Variants in GFM2 observed in about 807,000 individuals in gnomAD.
The protein encoded by GFM2 is GTP dependent ribosome recycling factor mitochondrial 2.
GFM2 carries 72 observed loss-of-function variants against 95.4 expected under a neutral mutation model. That is an observed-to-expected ratio of 0.76 (90% CI 0.62 to 0.92). The LOEUF (loss-of-function observed/expected upper bound fraction) is 0.92, where lower values mean the gene tolerates loss of function less well. Among genes scored for constraint, GFM2 ranks in the 40% least tolerant of loss-of-function variants. The pLI is 0.00. For synonymous variants in GFM2, 276 were observed against 317.5 expected, an observed-to-expected ratio of 0.87 and a Z score of 1.39; for missense variants, 825 against 924.1, an observed-to-expected ratio of 0.89 and a Z score of 1.39.
In GFM2 at chr5:74,758,938, T is replaced by C. The variant is rs766617868; in HGVS notation, c.215A>G (p.Asn72Ser). 6.3e-7 allele frequency: 1 copy of C among 1,599,626 alleles called. No individual in the cohort carries two copies. Among genetic ancestry groups the C allele is most frequent in the Non-Finnish European group, 8.6e-7 (1 of 1,167,528 alleles). The change falls in exon 5 of 21, where the codon AAT becomes AGT. Residue 72 changes from asparagine (N) to serine (S), a missense_variant. Coordinates refer to ENST00000296805, the MANE Select transcript of GFM2 (RefSeq NM_032380.5). ...ATCAATATGAGCCATAATTCCAATA[T>C]TACGGATTCTGTTTAAAAGGAAAAA... ...IINPPIAKIR[N>S]IGIMAHIDAG...
rs1749869928 is a variant in GFM2, at chr5:74,721,363, AAC to A, written c.*290_*291del. ...GAGACAAGCTTAAGGACACAAAAGA[AAC>A]ACAACTTTGTGATACCACTCTTCTG... On this transcript the variant is annotated 3_prime_UTR_variant, in exon 21 of 21. Coordinates refer to ENST00000296805, the MANE Select transcript of GFM2 (RefSeq NM_032380.5). 1.4e-6 allele frequency: 1 copy of A among 739,370 alleles called. No individual in the cohort carries two copies. The highest frequency in any genetic ancestry group is 2.0e-5 in the Admixed American group (1 of 50,012). 45.8% of individuals were successfully genotyped at this position (739,370 alleles called of 1,614,324 possible). A position where few individuals can be genotyped will look rare whatever the true frequency, so the allele number is the denominator to read the frequency against.
intron 1 of GFM2, among the ~76,000 whole-genome samples, chr5:74,764,778 G>GTTTTTTTTTT (rs757160377): frequency 5.7e-5 from 4 of 70,488 alleles, no homozygotes; most frequent in Admixed American, 3.8e-4. Flanking sequence ...TCCCTTTGTT[G>GTTTTTTTTTT]TTTTTTTTTT....
Position 74,759,383 on chromosome 5 carries a change from A to T in GFM2, c.192T>A (p.Asn64Lys), listed in dbSNP as rs760188465. 1 of 1,541,102 alleles carries T rather than the reference A, an allele frequency of 6.5e-7. No individual in the cohort carries two copies. Among genetic ancestry groups the T allele is most frequent in the Admixed American group, 1.7e-5 (1 of 58,504 alleles). The change falls in exon 4 of 21, where the codon AAT becomes AAA. Residue 64 changes from asparagine (N) to lysine (K), a missense_variant. Asn to Lys is a moderately conservative substitution (Grantham distance 94). Coordinates refer to ENST00000296805, the MANE Select transcript of GFM2 (RefSeq NM_032380.5). ...ATAGTACTTACTTAGCTATGGGAGG[A>T]TTGATGATGGAATGAAGGGATTTGA... Reference protein sequence around the residue: ...NDIKSLHSIINPPIAKIRNIG... With the variant: ...NDIKSLHSIIKPPIAKIRNIG...
rs1330986784 is a variant in GFM2 at position 74,751,413 on chromosome 5, T to G, written c.385A>C (p.Thr129Pro). 2 of 1,611,314 alleles carry G rather than the reference T, an allele frequency of 1.2e-6. No homozygotes were observed. The highest frequency in any genetic ancestry group is 3.3e-5 in the Admixed American group (2 of 60,022). The change falls in exon 6 of 21, where the codon ACA (threonine) becomes CCA (proline). Residue 129 changes from threonine (T) to proline (P), a missense_variant. By Grantham distance (38) the Thr-to-Pro change is conservative (BLOSUM62 -1). Transcript: ENST00000296805. Reference sequence around the variant, plus strand: ...ACTCTATAACCTTTCCAATCAAATGTAACAGCAGCTGATTGAATAGTAATG... The same window carrying G: ...ACTCTATAACCTTTCCAATCAAATGGAACAGCAGCTGATTGAATAGTAATG... The part of the protein sequence containing the change: ...RGITIQSAAV[T>P]FDWKGYRVNL...
At chr5:74,751,517 G>A in intron 5 of GFM2, 24 bp from the exon 6 acceptor site, 1 of 1,583,902 alleles carries the variant, frequency 6.3e-7, no homozygotes, top group Non-Finnish European at 8.7e-7. Context: ...AGATGATACA[G>A]TTTAGTCTTA....
intron 15 of GFM2, chr5:74,736,471 T>C (rs1742839435): frequency 2.0e-6 from 2 of 985,238 alleles, no homozygotes; most frequent in Non-Finnish European, 2.4e-6. Context: ...ACAAACTGAA[T>C]TGGTTATGAA....
intron 14 of GFM2, 137 bp from the exon 15 acceptor site, chr5:74,737,122 A>G: frequency 1.3e-6 from 1 of 759,120 alleles, no homozygotes. Context: ...AAAATTCAAA[A>G]AGCTCATTAA....
At chr5:74,759,317 G>C (rs1481121266) in intron 4 of GFM2, 52 bp downstream of exon 4, 12 of 1,066,626 alleles carry the variant, frequency 1.1e-5, no homozygotes, top group African/African-American at 1.7e-5. Context: ...GAAAAAACCT[G>C]TAAATTTTCG....
Position 74,722,547 on chromosome 5 carries a change from A to C in GFM2, c.2043T>G (p.Ala681=). ...TCAGAGGCTCCAAAACTTGCTTATCAGCTTTCTTCAGAGCCTAAAGAAATT... is the reference window on the plus strand; with the variant it reads ...TCAGAGGCTCCAAAACTTGCTTATCCGCTTTCTTCAGAGCCTAAAGAAATT... ...SRCVQKALKK[A]DKQVLEPLMN... Residue 681 remains alanine, a synonymous_variant, in exon 20 of 21, where the codon GCT becomes GCG. Transcript: ENST00000296805. The C allele has an allele frequency of 6.2e-7, 1 of 1,611,812 alleles. No homozygotes were observed. Among genetic ancestry groups the C allele is most frequent in the African/African-American group, 1.3e-5 (1 of 74,892 alleles).
intron 15 of GFM2, among the ~76,000 whole-genome samples, chr5:74,733,761 A>T (rs62366375): frequency 0.16 from 25,035 of 152,154 alleles, 2,723 homozygotes; most frequent in African/African-American, 0.29. Flanking sequence ...TCAATTTAGG[A>T]GCTGACAAAA....
chr5:74,754,802 A>C (rs1466143762), intron 5 of GFM2, among the ~76,000 whole-genome samples: 1 of 152,188 alleles, frequency 6.6e-6, no homozygotes, highest in Non-Finnish European at 1.5e-5. Context: ...ACAGGTCATC[A>C]AGACAAAAGG....
Position 74,747,763 on chromosome 5 carries a change from T to C in GFM2, c.537A>G (p.Val179=), listed in dbSNP as rs1312717035. ...SAGVEAQTLT[V]WRQADKHNIP... is the part of the protein sequence containing the mutation. Reference sequence around the variant, plus strand: ...TATTGTGTTTATCAGCTTGCCTCCATACTGTGAGAGTCTGGGCCTAAAGCA... The same window carrying C: ...TATTGTGTTTATCAGCTTGCCTCCACACTGTGAGAGTCTGGGCCTAAAGCA... Residue 179 remains valine, a synonymous_variant, in exon 8 of 21, where the codon GTA becomes GTG. Transcript: ENST00000296805. 6.2e-7 allele frequency: 1 copy of C among 1,608,004 alleles called. No individual in the cohort carries two copies. Among genetic ancestry groups the C allele is most frequent in the Non-Finnish European group, 8.5e-7 (1 of 1,175,208 alleles).
chr5:74,738,959 C>G (rs1217333435), intron 12 of GFM2, among the ~76,000 whole-genome samples: 1 of 152,116 alleles, frequency 6.6e-6, no homozygotes, highest in South Asian at 2.1e-4. Flanking sequence ...GAAATCTGCA[C>G]AGGGTAAATA....
intron 7 of GFM2, among the ~76,000 whole-genome samples, chr5:74,748,555 A>C (rs1367372330): frequency 1.3e-5 from 2 of 152,234 alleles, no homozygotes; most frequent in Middle Eastern, 3.4e-3. Flanking sequence ...CTTTTTAATT[A>C]TACATACGTA....
At chr5:74,761,407 A>C (rs774994102) in intron 2 of GFM2, among the ~76,000 whole-genome samples, 1 of 152,236 alleles carries the variant, frequency 6.6e-6, no homozygotes, top group Non-Finnish European at 1.5e-5. Flanking sequence ...GAAAGTCAGA[A>C]GCTGAGTCAG....
Position 74,728,973 on chromosome 5 carries a change from C to G in GFM2, c.1726+1287G>C, listed in dbSNP as rs370359140. On this transcript the variant is annotated intron_variant, in intron 17 of 20. Coordinates refer to ENST00000296805, the MANE Select transcript of GFM2 (RefSeq NM_032380.5). ...GTCACCATATTGGCCAGGCTGGTCTCGAACTCCAGACTTCGTGATCTGCCC... is the reference window on the plus strand; with the variant it reads ...GTCACCATATTGGCCAGGCTGGTCTGGAACTCCAGACTTCGTGATCTGCCC... 3.4e-3 allele frequency among the ~76,000 whole-genome samples: 509 copies of G among 151,932 alleles called. 8 individuals are homozygous for G. The highest frequency in any genetic ancestry group is 0.012 in the African/African-American group (485 of 41,448).
chr5:74,729,996 C>T (rs763200953), intron 17 of GFM2, among the ~76,000 whole-genome samples: 3 of 152,132 alleles, frequency 2.0e-5, no homozygotes, highest in Non-Finnish European at 4.4e-5. Context: ...AAGCCATCGA[C>T]TTCAGTGGCT....
chr5:74,736,099 T>A (rs1474574535), intron 15 of GFM2, among the ~76,000 whole-genome samples: 1 of 152,218 alleles, frequency 6.6e-6, no homozygotes, highest in Non-Finnish European at 1.5e-5. Context: ...CCTGGATCCC[T>A]GATAACATTG....
At chr5:74,754,717 T>C (rs890652359) in intron 5 of GFM2, among the ~76,000 whole-genome samples, 2 of 152,168 alleles carry the variant, frequency 1.3e-5, no homozygotes, top group Non-Finnish European at 2.9e-5. Context: ...TATAAAATAA[T>C]TACTACTAGA....
Sources: gnomAD v4.1 joint callset for allele counts (sites outside exome capture counted in the v4.1 genomes callset) on GRCh38, gnomAD v4.1.1 for gene constraint, MANE v1.5 for transcripts, NCBI Gene and HGNC (gene_info 2026-07-23, HGNC 2026-07-21) for gene names.